Variants in MEGF10 observed in about 807,000 individuals in gnomAD.
MEGF10 encodes multiple epidermal growth factor-like domains protein 10.
Under a neutral mutation model 147.5 loss-of-function variants are expected in MEGF10, and 86 were observed. The observed-to-expected ratio is 0.58, with a 90% CI of 0.49 to 0.70. MEGF10 has a LOEUF of 0.70. MEGF10 is among the 30% of genes least tolerant of loss of function. The pLI is 0.00. For synonymous variants in MEGF10, 478 were observed against 525.5 expected (o/e 0.91, Z 1.24); for missense variants, 1,329 against 1,487.3 (o/e 0.89, Z 1.75).
chr5:127,441,005 C>T (rs1765737502), intron 18 of MEGF10, 138 bp downstream of exon 18: 2 of 1,111,658 alleles, frequency 1.8e-6, no homozygotes, highest in Admixed American at 2.4e-5. Flanking sequence ...CTCAGCATGA[C>T]TGACTTCCCC....
At chr5:127,439,564 C>T (rs935067566) in intron 17 of MEGF10, among the ~76,000 whole-genome samples, 72 of 152,258 alleles carry the variant, frequency 4.7e-4, no homozygotes, top group African/African-American at 1.6e-3. Context: ...CTTCAGAGTT[C>T]GTATATCTAT....
intron 1 of MEGF10, among the ~76,000 whole-genome samples, chr5:127,309,682 T>G (rs935285999): frequency 2.0e-5 from 3 of 152,216 alleles, no homozygotes; most frequent in African/African-American, 7.2e-5. Context: ...TGTTTATCCA[T>G]TCATTCATTA....
intron 4 of MEGF10, among the ~76,000 whole-genome samples, chr5:127,343,449 G>A (rs958311333): frequency 1.3e-5 from 2 of 151,854 alleles, no homozygotes; most frequent in Non-Finnish European, 2.9e-5. Flanking sequence ...ACATGGAACT[G>A]CCAGCTGCCT....
chr5:127,235,786 G>A, the MEGF10 span, among the ~76,000 whole-genome samples: 1 of 152,282 alleles, frequency 6.6e-6, no homozygotes, highest in African/African-American at 2.4e-5. Flanking sequence ...AATTTGAATT[G>A]TATTGTTTTT....
At chr5:127,453,411 C>CTGAA in intron 22 of MEGF10, among the ~76,000 whole-genome samples, 1 of 152,298 alleles carries the variant, frequency 6.6e-6, no homozygotes, top group Non-Finnish European at 1.5e-5. Context: ...TAAGGAAAGA[C>CTGAA]TGAAGCAGAG....
chr5:127,374,094 G>A (rs978115903), intron 5 of MEGF10, among the ~76,000 whole-genome samples: 5 of 152,232 alleles, frequency 3.3e-5, no homozygotes, highest in East Asian at 3.9e-4. Flanking sequence ...GAAGCTGTCC[G>A]TGCTGCAAGA....
intron 2 of MEGF10, among the ~76,000 whole-genome samples, chr5:127,334,622 T>TTTATGA (rs1761394561): frequency 6.6e-6 from 1 of 152,106 alleles, no homozygotes; most frequent in Non-Finnish European, 1.5e-5. Context: ...TCAAGGGGTG[T>TTTATGA]TTATGATTAA....
the MEGF10 span, among the ~76,000 whole-genome samples, chr5:127,251,782 A>T: frequency 7.2e-5 from 11 of 152,168 alleles, no homozygotes; most frequent in Non-Finnish European, 1.3e-4. Context: ...ATAAAGGAAA[A>T]TAATCAAATA....
At chr5:127,382,842 A>C (rs1324592164) in intron 5 of MEGF10, among the ~76,000 whole-genome samples, 1 of 152,240 alleles carries the variant, frequency 6.6e-6, no homozygotes, top group Non-Finnish European at 1.5e-5. Context: ...GAACATGACA[A>C]TATGCTAATC....
rs1561650145 is a variant in MEGF10 at position 127,443,068 on chromosome 5, C to T, written c.2433C>T (p.Asp811=). Residue 811 remains aspartate, a synonymous_variant, in exon 19 of 25, where the codon GAC becomes GAT. Coordinates refer to ENST00000503335, the MANE Select transcript of MEGF10 (RefSeq NM_001256545.2). ...ATTGTCTGAACAACTCCACCTGCGA[C>T]CACATCACTGGGACCTGTTACTGCA... ...ICDCLNNSTC[D]HITGTCYCSP... is the part of the protein sequence containing the mutation. 1 of 1,613,840 alleles carries T rather than the reference C, an allele frequency of 6.2e-7. No homozygotes were observed. Among genetic ancestry groups the T allele is most frequent in the South Asian group, 1.1e-5 (1 of 91,050 alleles).
At chr5:127,330,706 G>T (rs1410860666) in intron 1 of MEGF10, among the ~76,000 whole-genome samples, 1 of 152,124 alleles carries the variant, frequency 6.6e-6, no homozygotes, top group Non-Finnish European at 1.5e-5. Context: ...CTTATGTCAT[G>T]ATTACTAAGT....
rs997403876 is a variant in MEGF10 at position 127,447,652 on chromosome 5, G to A, written c.2824G>A (p.Val942Ile). The A allele has an allele frequency of 2.5e-6, 4 of 1,614,058 alleles. No homozygotes were observed. Among genetic ancestry groups the A allele is most frequent in the South Asian group, 2.2e-5 (2 of 91,082 alleles). ...CACCCAGTGTGCCACATCCCCTCAC[G>A]TCAACAACAGGGACAGGATGACTGT... ...TLTQCATSPH[V>I]NNRDRMTVTK... The change falls in exon 21 of 25, where the codon GTC becomes ATC. Residue 942 changes from valine to isoleucine, a missense_variant. Around this residue, in one of 3 missense-constraint regions of MEGF10, gnomAD observed 343 missense variants for 377.9 expected, o/e 0.91. Coordinates refer to ENST00000503335, the MANE Select transcript of MEGF10 (RefSeq NM_001256545.2).
chr5:127,371,849 T>C (rs1762861831), intron 5 of MEGF10, among the ~76,000 whole-genome samples: 1 of 152,206 alleles, frequency 6.6e-6, no homozygotes, highest in African/African-American at 2.4e-5. Context: ...ACAACTCACG[T>C]TTTGGCTTTA....
At position 127,459,499 on chromosome 5, in the gene MEGF10, G is replaced by T. The variant is rs1300175695; in HGVS notation, c.*2181G>T. 6.6e-6 allele frequency: 1 copy of T among 152,154 alleles called. No homozygotes were observed. The highest frequency in any genetic ancestry group is 1.5e-5 in the Non-Finnish European group (1 of 68,022). 9.4% of individuals were successfully genotyped at this position (152,154 alleles called of 1,614,324 possible). On this transcript the variant is annotated 3_prime_UTR_variant, in exon 25 of 25. Coordinates refer to ENST00000503335, the MANE Select transcript of MEGF10 (RefSeq NM_001256545.2). ...AATAAGACATTTTCTCCCTTTTAAA[G>T]ATCATCTCTTCAGAGCTGCATGGTA...
intron 1 of MEGF10, among the ~76,000 whole-genome samples, chr5:127,310,103 A>C (rs748493891): frequency 4.7e-5 from 7 of 147,834 alleles, no homozygotes; most frequent in Non-Finnish European, 8.9e-5. Context: ...AGGGGGTGAT[A>C]ATAGCAATCC....
At chr5:127,242,540 T>C in the MEGF10 span, among the ~76,000 whole-genome samples, 1 of 152,254 alleles carries the variant, frequency 6.6e-6, no homozygotes, top group African/African-American at 2.4e-5. Flanking sequence ...GCTAGCAGAA[T>C]GCTCATTAAA....
intron 13 of MEGF10, among the ~76,000 whole-genome samples, chr5:127,431,737 A>G (rs1040605277): frequency 6.6e-6 from 1 of 152,202 alleles, no homozygotes; most frequent in Non-Finnish European, 1.5e-5. Flanking sequence ...CTGAGAGCGA[A>G]GTGTTTAGCA....
At chr5:127,373,851 G>A (rs1178298498) in intron 5 of MEGF10, among the ~76,000 whole-genome samples, 2 of 152,222 alleles carry the variant, frequency 1.3e-5, no homozygotes, top group African/African-American at 2.4e-5. Flanking sequence ...CACTAAGGGT[G>A]CGATCCAGAC....
the MEGF10 span, among the ~76,000 whole-genome samples, chr5:127,263,518 G>A: frequency 1.3e-5 from 2 of 152,178 alleles, no homozygotes; most frequent in Admixed American, 1.3e-4. Flanking sequence ...TTTAGCTTAA[G>A]AGCTTAGTTG....
Sources: allele counts gnomAD v4.1 joint callset (sites outside exome capture counted in the v4.1 genomes callset), GRCh38; gene constraint gnomAD v4.1.1; regional missense constraint gnomAD v4.1.1; transcripts MANE v1.5; gene names NCBI Gene and HGNC (gene_info 2026-07-23, HGNC 2026-07-21).